AK9: variants seen among roughly 807,000 people sequenced by gnomAD.
The protein encoded by AK9 is adenylate kinase 9.
AK9 carries 191 observed loss-of-function variants against 239.6 expected under a neutral mutation model. The ratio of observed to expected loss-of-function variants is 0.80; its 90% CI spans 0.71 to 0.90. The LOEUF is 0.90. Ranked by LOEUF, AK9 falls within the 40% of genes least tolerant of loss-of-function variation. AK9 has a pLI of 0.00. For missense variants in AK9, 1,995 were observed against 2,214.7 expected (o/e 0.90, Z 1.99); for synonymous variants, 689 against 721.0 (o/e 0.96, Z 0.71).
At chr6:109,535,572 T>C (rs888472531) in intron 27 of AK9, among the ~76,000 whole-genome samples, 7 of 152,224 alleles carry the variant, frequency 4.6e-5, no homozygotes, top group Admixed American at 2.0e-4. Context: ...TTCACTCTGA[T>C]GGTAGTTTCT....
At chr6:109,615,152 C>G (rs572134080) in intron 13 of AK9, among the ~76,000 whole-genome samples, 2 of 152,242 alleles carry the variant, frequency 1.3e-5, no homozygotes, top group Non-Finnish European at 2.9e-5. Flanking sequence ...CAAACGTCCC[C>G]TCTTTGGAGA....
intron 5 of AK9, among the ~76,000 whole-genome samples, chr6:109,667,719 A>G (rs1801429343): frequency 6.6e-6 from 1 of 152,214 alleles, no homozygotes; most frequent in Admixed American, 6.5e-5. Flanking sequence ...ATGTACCTAC[A>G]AAGGACATGA....
chr6:109,506,743 C>T lies in AK9; in HGVS notation c.4539G>A (p.Arg1513=). 3 of 1,530,008 alleles carry T rather than the reference C, an allele frequency of 2.0e-6. No homozygotes were observed. Among genetic ancestry groups the T allele is most frequent in the Non-Finnish European group, 2.7e-6 (3 of 1,131,212 alleles). 94.8% of individuals were successfully genotyped at this position (1,530,008 alleles called of 1,614,324 possible). A position where few individuals can be genotyped will look rare whatever the true frequency, so the allele number is the denominator to read the frequency against. ...CAAAGATGACCATGGGAATGATTGA[C>T]CTAGCTTCCAAGAGATTCATTTGAT... ...TKHQMNLLEA[R]SIIPMVIFEL... The change falls in exon 34 of 41, where the codon AGG becomes AGA. Residue 1513 remains arginine (R), a synonymous_variant. Transcript: ENST00000424296.
intron 2 of AK9, among the ~76,000 whole-genome samples, chr6:109,674,740 A>C (rs1307525674): frequency 6.6e-6 from 1 of 152,228 alleles, no homozygotes; most frequent in African/African-American, 2.4e-5. Context: ...GTTTTGATGA[A>C]GTAACATTTG....
At position 109,506,817 on chromosome 6, in the gene AK9, T is replaced by A. The variant is rs1582754226; in HGVS notation, c.4482-17A>T. Reference sequence around the variant, plus strand: ...ATGACAACACTAACAAGGAAAAACATGAAAATAAAAATTCCACATTTCTTT... The same window carrying A: ...ATGACAACACTAACAAGGAAAAACAAGAAAATAAAAATTCCACATTTCTTT... On this transcript the variant is annotated splice_polypyrimidine_tract_variant and intron_variant, in intron 33 of 40. Transcript: ENST00000424296. 6.8e-7 allele frequency: 1 copy of A among 1,470,294 alleles called. No individual in the cohort carries two copies. Among genetic ancestry groups the A allele is most frequent in the Middle Eastern group, 1.8e-4 (1 of 5,514 alleles). The allele number at this position is 1,470,294 out of a possible 1,614,324, so 91.1% of individuals were successfully genotyped here.
chr6:109,573,292 G>GCCCCA, intron 21 of AK9, 150 bp downstream of exon 21: 1 of 783,258 alleles, frequency 1.3e-6, no homozygotes, highest in Admixed American at 3.6e-5. Flanking sequence ...TTCAAACTGT[G>GCCCCA]GGATTTGGAC....
chr6:109,532,291 C>T (rs560312240), intron 28 of AK9, among the ~76,000 whole-genome samples: 5 of 152,258 alleles, frequency 3.3e-5, no homozygotes, highest in Admixed American at 3.3e-4. Flanking sequence ...TTCCCTGTAC[C>T]TTCCTCCTAC....
In AK9 at chr6:109,531,033, C is replaced by G. The variant is rs185744645; in HGVS notation, c.3571-1960G>C. Among the ~76,000 whole-genome samples the G allele has an allele frequency of 3.2e-3, 483 of 151,942 alleles. 1 individual carries two copies. The highest frequency in any genetic ancestry group is 0.011 in the African/African-American group (467 of 41,442). On this transcript the variant is annotated intron_variant, in intron 28 of 40. Transcript: ENST00000424296. ...ATTCTAGCCTAGCGATAGAGTCAGACTCCGTCTCAAAAGAAAAGAAAAGAA... is the reference window on the plus strand; with the variant it reads ...ATTCTAGCCTAGCGATAGAGTCAGAGTCCGTCTCAAAAGAAAAGAAAAGAA...
chr6:109,650,884 T>G (rs1422553031), intron 8 of AK9, among the ~76,000 whole-genome samples: 1 of 152,140 alleles, frequency 6.6e-6, no homozygotes, highest in African/African-American at 2.4e-5. Flanking sequence ...ACATACACCA[T>G]GGAATACTAC....
At chr6:109,653,677 T>C (rs1032260069) in intron 8 of AK9, among the ~76,000 whole-genome samples, 7 of 95,350 alleles carry the variant, frequency 7.3e-5, no homozygotes, top group African/African-American at 2.0e-4. Context: ...TTTAGATTTT[T>C]TTTTTTTTCT....
At chr6:109,619,274 G>A (rs1235326083) in intron 12 of AK9, 38 bp from the exon 13 acceptor site, 1 of 1,522,582 alleles carries the variant, frequency 6.6e-7, no homozygotes, top group Non-Finnish European at 8.8e-7. Flanking sequence ...ATAAGCAGGA[G>A]TTATTGTGAC....
At chr6:109,512,010 T>C (rs1326832747) in intron 32 of AK9, among the ~76,000 whole-genome samples, 1 of 152,146 alleles carries the variant, frequency 6.6e-6, no homozygotes, top group Non-Finnish European at 1.5e-5. Flanking sequence ...CAAGAGCAAC[T>C]CCATCTTGAG....
At chr6:109,643,141 A>C (rs1227954003) in intron 9 of AK9, among the ~76,000 whole-genome samples, 1 of 152,180 alleles carries the variant, frequency 6.6e-6, no homozygotes, top group African/African-American at 2.4e-5. Flanking sequence ...GAAAAAAAGA[A>C]GTGATCTGTT....
At chr6:109,546,478 C>G (rs1029153077) in intron 25 of AK9, among the ~76,000 whole-genome samples, 3 of 152,170 alleles carry the variant, frequency 2.0e-5, no homozygotes, top group African/African-American at 7.2e-5. Flanking sequence ...ATCTATCAAA[C>G]AGAAAGCCCA....
chr6:109,563,682 G>T lies in AK9; in HGVS notation c.2666C>A (p.Thr889Asn). The T allele has an allele frequency of 6.4e-7, 1 of 1,550,572 alleles. No individual in the cohort carries two copies. Among genetic ancestry groups the T allele is most frequent in the Non-Finnish European group, 8.7e-7 (1 of 1,146,094 alleles). The change falls in exon 24 of 41, where the codon ACT becomes AAT. Residue 889 changes from threonine (T) to asparagine (N), a missense_variant. Physicochemically the swap from Thr to Asn is moderately conservative, Grantham distance 65. Coordinates refer to ENST00000424296, the MANE Select transcript of AK9 (RefSeq NM_001145128.3). Reference sequence around the variant, plus strand: ...TGTTTCTTCCTCATAATCTTCCCCAGTTAACTCCCATGCAGTATATTGAAA... The same window carrying T: ...TGTTTCTTCCTCATAATCTTCCCCATTTAACTCCCATGCAGTATATTGAAA... ...KPFQYTAWEL[T>N]GEDYEEETED...
chr6:109,536,081 C>A (rs1327786844), intron 27 of AK9, among the ~76,000 whole-genome samples: 1 of 152,144 alleles, frequency 6.6e-6, no homozygotes, highest in Non-Finnish European at 1.5e-5. Context: ...ATTAACTTGG[C>A]AATGCAGGCT....
At chr6:109,661,302 A>C (rs1022057386) in intron 6 of AK9, among the ~76,000 whole-genome samples, 1 of 152,218 alleles carries the variant, frequency 6.6e-6, no homozygotes, top group South Asian at 2.1e-4. Context: ...TATTTCTCTC[A>C]TTCTCAATGG....
At chr6:109,526,989 T>C (rs1562354249) in intron 29 of AK9, among the ~76,000 whole-genome samples, 1 of 152,164 alleles carries the variant, frequency 6.6e-6, no homozygotes, top group Non-Finnish European at 1.5e-5. Context: ...TGTGTCTCTA[T>C]TACTCTTCTC....
chr6:109,519,897 C>T (rs2128121184), intron 29 of AK9, among the ~76,000 whole-genome samples: 1 of 151,238 alleles, frequency 6.6e-6, no homozygotes, highest in Non-Finnish European at 1.5e-5. Flanking sequence ...GCATGTATGT[C>T]TTCTTTTGAA....
Sources: allele counts gnomAD v4.1 joint callset (sites outside exome capture counted in the v4.1 genomes callset), GRCh38; gene constraint gnomAD v4.1.1; transcripts MANE v1.5; gene names NCBI Gene and HGNC (gene_info 2026-07-23, HGNC 2026-07-21).